The following MORC1 variants were observed in gnomAD, a reference collection of about 807,000 sequenced individuals.
MORC1 encodes MORC family CW-type zinc finger protein 1.
Under a neutral mutation model 134.9 loss-of-function variants are expected in MORC1, and 59 were observed. The observed-to-expected ratio is 0.44, with a 90% CI of 0.35 to 0.54. The LOEUF (loss-of-function observed/expected upper bound fraction) is 0.54, where lower values mean the gene tolerates loss of function less well. Among genes scored for constraint, MORC1 ranks in the 20% least tolerant of loss-of-function variants. The pLI, the probability that MORC1 is intolerant of heterozygous loss-of-function variation, is 0.00. For missense variants in MORC1, 947 were observed against 1,134.5 expected (o/e 0.83, Z 2.37); for synonymous variants, 395 against 391.7 (o/e 1.01, Z -0.10).
intron 17 of MORC1, among the ~76,000 whole-genome samples, chr3:109,021,021 A>C (rs967256154): frequency 3.3e-5 from 5 of 151,876 alleles, no homozygotes; most frequent in Non-Finnish European, 7.3e-5. Flanking sequence ...AACAGGATTC[A>C]AGCTGAGAGA....
At chr3:108,986,855 T>A (rs116701466) in intron 22 of MORC1, 25 bp downstream of exon 22, 1 of 1,425,618 alleles carries the variant, frequency 7.0e-7, no homozygotes. Context: ...AATATATATA[T>A]ATACATGAGC....
At chr3:108,998,346 G>A (rs189954786) in intron 21 of MORC1, among the ~76,000 whole-genome samples, 7 of 152,234 alleles carry the variant, frequency 4.6e-5, no homozygotes, top group Admixed American at 3.9e-4. Context: ...AGTTTCTTTG[G>A]TGTGCTGAAT....
intron 11 of MORC1, 34 bp from the exon 12 acceptor site, chr3:109,059,904 T>C (rs1225383055): frequency 1.3e-6 from 2 of 1,574,738 alleles, no homozygotes; most frequent in African/African-American, 2.7e-5. Flanking sequence ...GAGAACATAA[T>C]GCCACTGAAT....
intron 8 of MORC1, among the ~76,000 whole-genome samples, chr3:109,091,046 C>G (rs1184680768): frequency 6.6e-6 from 1 of 152,080 alleles, no homozygotes; most frequent in Non-Finnish European, 1.5e-5. Flanking sequence ...TTTCTAGTCT[C>G]TTACTGAAGA....
chr3:109,081,110 G>A (rs1950512094), intron 8 of MORC1, among the ~76,000 whole-genome samples: 1 of 152,206 alleles, frequency 6.6e-6, no homozygotes, highest in African/African-American at 2.4e-5. Context: ...TAAATTATAA[G>A]AGAATACATC....
intron 26 of MORC1, among the ~76,000 whole-genome samples, chr3:108,965,549 T>G (rs975661823): frequency 2.0e-4 from 30 of 152,228 alleles, no homozygotes; most frequent in Admixed American, 2.0e-3. Context: ...AGGGAGATAA[T>G]TATGGTAATG....
chr3:109,056,965 A>G (rs1380901173), intron 13 of MORC1, among the ~76,000 whole-genome samples: 3 of 152,226 alleles, frequency 2.0e-5, no homozygotes, highest in African/African-American at 7.2e-5. Flanking sequence ...TCATACATGT[A>G]GGGTTGCTTT....
At chr3:108,975,187 C>T (rs576024873) in intron 24 of MORC1, among the ~76,000 whole-genome samples, 2 of 152,150 alleles carry the variant, frequency 1.3e-5, no homozygotes, top group Non-Finnish European at 2.9e-5. Context: ...TAGCTTAGTC[C>T]TAGCTGAGGA....
intron 9 of MORC1, among the ~76,000 whole-genome samples, chr3:109,069,028 C>A (rs959645621): frequency 6.7e-5 from 10 of 149,424 alleles, no homozygotes; most frequent in African/African-American, 2.5e-4. Context: ...TGGTGGTGCA[C>A]GCCTGTAATC....
At chr3:109,003,262 C>CATATATATAT (rs60788462) in intron 20 of MORC1, among the ~76,000 whole-genome samples, 50 of 149,642 alleles carry the variant, frequency 3.3e-4, no homozygotes, top group African/African-American at 8.8e-4. Flanking sequence ...TAAAATTATA[C>CATATATATAT]ATATATATAT....
At position 109,099,358 on chromosome 3, in the gene MORC1, C is replaced by A. The variant is rs1284219555; in HGVS notation, c.423G>T (p.Glu141Asp). The change falls in exon 6 of 28, where the codon GAG (glutamate) becomes GAT (aspartate). Residue 141 changes from glutamate to aspartate, a missense_variant and splice_region_variant. Physicochemically the swap from Glu to Asp is conservative, Grantham distance 45. Around this residue, in one of 3 missense-constraint regions of MORC1, gnomAD observed 214 missense variants for 281.3 expected, o/e 0.76. Transcript: ENST00000232603. ...ACAGAAGGAAAACTTCAACTCTTAC[C>A]TCACTAAGACTTTCTTCTTCACAGA... The part of the protein sequence containing the change: ...QTFCEEESLS[E>D]VVVPMPSWLI... 1 of 1,598,340 alleles carries A rather than the reference C, an allele frequency of 6.3e-7. No individual in the cohort carries two copies. Among genetic ancestry groups the A allele is most frequent in the Non-Finnish European group, 8.5e-7 (1 of 1,171,542 alleles).
At chr3:108,969,846 G>C (rs1365877172) in intron 25 of MORC1, 124 bp from the exon 26 acceptor site, 1 of 797,982 alleles carries the variant, frequency 1.3e-6, no homozygotes, top group Non-Finnish European at 2.0e-6. Context: ...GCCAACATTG[G>C]TACTATGGGC....
At chr3:109,109,803 G>A (rs1463012357) in intron 3 of MORC1, 1 of 152,224 alleles carries the variant, frequency 6.6e-6, no homozygotes, top group Non-Finnish European at 1.5e-5. Flanking sequence ...CTGATCCCTT[G>A]TCCCAGGGCA....
At chr3:109,080,718 A>AT (rs966551906) in intron 8 of MORC1, among the ~76,000 whole-genome samples, 1 of 152,210 alleles carries the variant, frequency 6.6e-6, no homozygotes, top group African/African-American at 2.4e-5. Context: ...TAAAATTCAG[A>AT]TAAAAAAAGA....
At chr3:108,995,136 T>G (rs1308709201) in intron 21 of MORC1, among the ~76,000 whole-genome samples, 2 of 152,216 alleles carry the variant, frequency 1.3e-5, no homozygotes, top group Non-Finnish European at 2.9e-5. Context: ...AAAGTTGAAC[T>G]GCCAGTTTAT....
chr3:108,994,150 T>C (rs1401326300), intron 21 of MORC1, among the ~76,000 whole-genome samples: 1 of 152,166 alleles, frequency 6.6e-6, no homozygotes, highest in African/African-American at 2.4e-5. Flanking sequence ...CTCATTGCTA[T>C]GTATCTTTCT....
intron 21 of MORC1, among the ~76,000 whole-genome samples, chr3:108,994,448 A>T (rs946899462): frequency 6.6e-6 from 1 of 152,038 alleles, no homozygotes; most frequent in Non-Finnish European, 1.5e-5. Context: ...GTCTATTCTA[A>T]CCTTACTATA....
intron 17 of MORC1, among the ~76,000 whole-genome samples, chr3:109,018,341 A>C (rs1001508110): frequency 5.9e-5 from 9 of 152,140 alleles, no homozygotes; most frequent in African/African-American, 1.9e-4. Flanking sequence ...TGGAGAGGGC[A>C]TGTGAAGAGA....
chr3:109,011,983 C>A (rs919105695), intron 17 of MORC1, among the ~76,000 whole-genome samples: 1 of 152,146 alleles, frequency 6.6e-6, no homozygotes, highest in Non-Finnish European at 1.5e-5. Context: ...AAAAAATTTT[C>A]TTTTTATAGA....
Sources: gnomAD v4.1 joint callset for allele counts (sites outside exome capture counted in the v4.1 genomes callset) on GRCh38, gnomAD v4.1.1 for gene constraint, gnomAD v4.1.1 regional missense constraint, MANE v1.5 for transcripts, NCBI Gene and HGNC (gene_info 2026-07-23, HGNC 2026-07-21) for gene names.